PRAG1: variants seen among roughly 807,000 people sequenced by gnomAD.
PRAG1 encodes the protein PEAK1 related, kinase-activating pseudokinase 1.
Under a neutral mutation model 95.6 loss-of-function variants are expected in PRAG1, and 110 were observed. That is an observed-to-expected ratio of 1.15 (90% confidence interval 0.99 to 1.35). PRAG1 has a LOEUF of 1.35. Among genes scored for constraint, PRAG1 ranks in the 40% most tolerant of loss-of-function variants. PRAG1 has a pLI of 0.00. For synonymous variants in PRAG1, 1,052 were observed against 819.4 expected (o/e 1.28, Z -4.85); for missense variants, 2,554 against 1,864.7 (o/e 1.37, Z -6.81).
At position 8,368,750 on chromosome 8, in the gene PRAG1, A is replaced by G. The variant is rs560799245; in HGVS notation, c.2162+7497T>C. ...GACTGACCACACTGCCTAAGCTTGT[A>G]TTTTCCAATGCACCTGACAAAGCAT... On this transcript the variant is annotated intron_variant, in intron 3 of 5. Coordinates refer to ENST00000615670, the MANE Select transcript of PRAG1 (RefSeq NM_001080826.3). Among the ~76,000 whole-genome samples the G allele has an allele frequency of 2.6e-5, 4 of 152,244 alleles. No individual in the cohort carries two copies. In the South Asian group the frequency reaches 8.3e-4, roughly 32 times the overall value.
chr8:8,385,912 C>G (rs2116961540), intron 1 of PRAG1, among the ~76,000 whole-genome samples: 1 of 152,160 alleles, frequency 6.6e-6, no homozygotes, highest in Admixed American at 6.5e-5. Context: ...TCCCAGCAGC[C>G]AGGCGGCCTT....
At chr8:8,385,517 G>C (rs1434030180) in intron 1 of PRAG1, among the ~76,000 whole-genome samples, 1 of 152,194 alleles carries the variant, frequency 6.6e-6, no homozygotes, top group East Asian at 1.9e-4. Flanking sequence ...GAGAGGAGTT[G>C]TTAAGAATAG....
Position 8,327,702 on chromosome 8 carries a change from GT to G in PRAG1, c.3072+7del. On this transcript the variant is annotated splice_region_variant and intron_variant, in intron 5 of 5. Transcript: ENST00000615670. ...CACAGCAGAATGCAAGGAGGGAGTG[GT>G]ACCTACTTTCACAGCATAGGTGCTG... The G allele has an allele frequency of 6.2e-7, 1 of 1,604,242 alleles. No individual in the cohort carries two copies. Among genetic ancestry groups the G allele is most frequent in the East Asian group, 2.2e-5 (1 of 44,742 alleles).
chr8:8,340,370 T>A (rs1799124011), intron 3 of PRAG1, among the ~76,000 whole-genome samples: 1 of 152,158 alleles, frequency 6.6e-6, no homozygotes, highest in South Asian at 2.1e-4. Flanking sequence ...TTAGGTTGGG[T>A]GTTTAGCTTA....
intron 4 of PRAG1, among the ~76,000 whole-genome samples, chr8:8,330,747 A>G (rs1170689987): frequency 6.6e-6 from 1 of 152,120 alleles, no homozygotes; most frequent in Non-Finnish European, 1.5e-5. Flanking sequence ...TCCCCATCCC[A>G]CGCTCCCCAG....
In PRAG1 at chr8:8,318,960, G is replaced by A. The variant is rs1234878315; in HGVS notation, c.3415C>T (p.His1139Tyr). The A allele has an allele frequency of 1.2e-6, 2 of 1,613,120 alleles. No homozygotes were observed. Among genetic ancestry groups the A allele is most frequent in the Non-Finnish European group, 1.7e-6 (2 of 1,179,688 alleles). ...LCNGLEHLKE[H>Y]GIIHRDLCLE... The stretch of plus-strand genomic sequence containing the variant: ...CACAGGTCCCGGTGGATGATCCCGT[G>A]CTCCTTCAGGTGCTCCAGCCCGTTG... The change falls in exon 6 of 6, where the codon CAC becomes TAC. Residue 1139 changes from histidine (H) to tyrosine (Y), a missense_variant. Coordinates refer to ENST00000615670, the MANE Select transcript of PRAG1 (RefSeq NM_001080826.3). The surrounding 1 kb of genome is among the most constrained non-coding windows in gnomAD (Gnocchi z 4.2).
Position 8,319,023 on chromosome 8 carries a change from A to G in PRAG1, c.3352T>C (p.Tyr1118His). 6.2e-7 allele frequency: 1 copy of G among 1,613,312 alleles called. No individual in the cohort carries two copies. Among genetic ancestry groups the G allele is most frequent in the South Asian group, 1.1e-5 (1 of 91,074 alleles). ...AASHQAEPEA[Y>H]ERRVCFLLLQ... ...AGCAGGAAGCACACGCGCCGCTCGT[A>G]CGCCTCGGGCTCCGCCTGGTGGCTG... is the stretch of plus-strand genomic sequence containing the variant. The change falls in exon 6 of 6, where the codon TAC (tyrosine) becomes CAC (histidine). Residue 1118 changes from tyrosine (Y) to histidine (H), a missense_variant. Coordinates refer to ENST00000615670, the MANE Select transcript of PRAG1 (RefSeq NM_001080826.3).
intron 1 of PRAG1, among the ~76,000 whole-genome samples, chr8:8,383,654 A>C (rs1800757281): frequency 6.6e-6 from 1 of 152,182 alleles, no homozygotes; most frequent in Non-Finnish European, 1.5e-5. Context: ...AAATAAAAGA[A>C]AAGTATCTTT....
At chr8:8,366,215 G>A (rs1005346778) in intron 3 of PRAG1, among the ~76,000 whole-genome samples, 7 of 151,922 alleles carry the variant, frequency 4.6e-5, no homozygotes, top group Admixed American at 6.6e-5. Flanking sequence ...TTGGCATTTC[G>A]GTCTAAAATT....
intron 3 of PRAG1, among the ~76,000 whole-genome samples, chr8:8,367,235 G>A (rs1292469974): frequency 6.6e-6 from 1 of 151,632 alleles, no homozygotes; most frequent in Non-Finnish European, 1.5e-5. Flanking sequence ...ATTACGGGTG[G>A]ATCACATGAG....
intron 3 of PRAG1, among the ~76,000 whole-genome samples, chr8:8,355,391 T>C (rs1233494477): frequency 2.0e-5 from 3 of 152,104 alleles, no homozygotes; most frequent in Admixed American, 1.3e-4. Flanking sequence ...AAAGGCATTG[T>C]TCACAGAAAT....
intron 5 of PRAG1, among the ~76,000 whole-genome samples, chr8:8,325,935 TAA>T (rs919584549): frequency 7.1e-6 from 1 of 140,882 alleles, no homozygotes; most frequent in African/African-American, 2.6e-5. Context: ...TAATAATAAT[TAA>T]AAAAAAAAAA....
intron 3 of PRAG1, among the ~76,000 whole-genome samples, chr8:8,342,108 G>A (rs374881454): frequency 5.0e-4 from 76 of 152,164 alleles, no homozygotes; most frequent in African/African-American, 1.8e-3. Context: ...TCCAGCCTGG[G>A]TGACAGAGTG....
At chr8:8,321,174 T>G (rs566103468) in intron 5 of PRAG1, among the ~76,000 whole-genome samples, 242 of 152,328 alleles carry the variant, frequency 1.6e-3, no homozygotes, top group African/African-American at 5.7e-3. Flanking sequence ...GGTTTTGACC[T>G]CCCAGGTTTA....
chr8:8,355,868 T>C (rs1381278317), intron 3 of PRAG1, among the ~76,000 whole-genome samples: 11 of 152,156 alleles, frequency 7.2e-5, no homozygotes, highest in Non-Finnish European at 1.6e-4. Flanking sequence ...GCCTTGGAAA[T>C]GATTTTTTGG....
chr8:8,380,250 G>C (rs1800587757), intron 2 of PRAG1, among the ~76,000 whole-genome samples: 1 of 151,890 alleles, frequency 6.6e-6, no homozygotes, highest in Non-Finnish European at 1.5e-5. Context: ...ACTCCAGCCT[G>C]AGCAACACTG....
In PRAG1 at chr8:8,381,624, G is replaced by A; in HGVS notation, c.124C>T (p.Leu42=). The A allele has an allele frequency of 6.2e-7, 1 of 1,613,914 alleles. No homozygotes were observed. The highest frequency in any genetic ancestry group is 1.6e-4 in the Middle Eastern group (1 of 6,062). Reference sequence around the variant, plus strand: ...CTGGGCTGGGGAGGGCCGGCCACCAGCTGGTGGTCGCTCCGCAGGCAGAAG... The same window carrying A: ...CTGGGCTGGGGAGGGCCGGCCACCAACTGGTGGTCGCTCCGCAGGCAGAAG... ...NCFCLRSDHQ[L]VAGPPQPRAG... Residue 42 remains leucine, a synonymous_variant, in exon 2 of 6, where the codon CTG becomes TTG. Coordinates refer to ENST00000615670, the MANE Select transcript of PRAG1 (RefSeq NM_001080826.3).
At position 8,327,922 on chromosome 8, in the gene PRAG1, TGGCATAGGTGCCC is replaced by T. The variant is rs754868911; in HGVS notation, c.2847_2859del (p.Gly950SerfsTer14). 6.2e-7 allele frequency: 1 copy of T among 1,613,728 alleles called. No homozygotes were observed. Among genetic ancestry groups the T allele is most frequent in the Non-Finnish European group, 8.5e-7 (1 of 1,179,798 alleles). On this transcript the variant is annotated frameshift_variant, in exon 5 of 6. Transcript: ENST00000615670. LOFTEE classifies it high-confidence loss of function. ...GACTGGGTGTAGAGTCCCCCCAGCTTGGCATAGGTGCCCTCCTTGCTGCTGATGTTGCTCAGGA... is the reference window on the plus strand; with the variant it reads ...GACTGGGTGTAGAGTCCCCCCAGCTTTCCTTGCTGCTGATGTTGCTCAGGA...
Position 8,352,016 on chromosome 8 carries a change from A to G in PRAG1, c.2163-12381T>C, listed in dbSNP as rs182278547. On this transcript the variant is annotated intron_variant, in intron 3 of 5. Coordinates refer to ENST00000615670, the MANE Select transcript of PRAG1 (RefSeq NM_001080826.3). The stretch of plus-strand genomic sequence containing the variant: ...CCAGAATCTTTGTGTTTCTAGACTA[A>G]TGGTTTTGGTGACCTTGCTTTCAGA... Among the ~76,000 whole-genome samples, 15 of 152,200 alleles carry G rather than the reference A, an allele frequency of 9.9e-5. No individual in the cohort carries two copies. The East Asian group carries it at 2.9e-3, about 29-fold the overall frequency.
Sources: gnomAD v4.1 joint callset for allele counts (sites outside exome capture counted in the v4.1 genomes callset) on GRCh38, gnomAD v4.1.1 for gene constraint, Gnocchi (gnomAD v3.1) non-coding constraint, MANE v1.5 for transcripts, NCBI Gene and HGNC (gene_info 2026-07-23, HGNC 2026-07-21) for gene names.